DMD: variants seen among roughly 807,000 people sequenced by gnomAD.
DMD encodes dystrophin, also known as mutant dystrophin.
Under a neutral mutation model 330.1 loss-of-function variants are expected in DMD, and 63 were observed. That is an observed-to-expected ratio of 0.19 (90% CI 0.16 to 0.24). The LOEUF (loss-of-function observed/expected upper bound fraction) is 0.24, where lower values mean the gene tolerates loss of function less well. DMD is among the 10% of genes least tolerant of loss of function. The pLI, the probability that DMD is intolerant of heterozygous loss-of-function variation, is 1.00. For missense variants in DMD, 3,344 were observed against 2,684.1 expected (o/e 1.25, Z -5.43); for synonymous variants, 1,223 against 959.8 (o/e 1.27, Z -5.07).
intron 1 of DMD, among the ~76,000 whole-genome samples, chrX:33,153,455 CAA>C (rs1463688958): frequency 8.9e-6 from 1 of 112,515 alleles, no homozygotes; most frequent in Admixed American, 9.4e-5. Flanking sequence ...GTATTTCCCA[CAA>C]GAGACATTAA....
At position 31,574,816 on chromosome X, in the gene DMD, C is replaced by A. The variant is rs185210591; in HGVS notation, c.8217+52857G>T. Among the ~76,000 whole-genome samples, 23 of 111,768 alleles carry A rather than the reference C, an allele frequency of 2.1e-4. 2 individuals carry two copies. The highest frequency in any genetic ancestry group is 7.5e-4 in the African/African-American group (23 of 30,815). ...GACATAAAATTAACATCAATTCATT[C>A]TCAAGAGACAAAATAAAACTACGAT... is the stretch of plus-strand genomic sequence containing the variant. On this transcript the variant is annotated intron_variant, in intron 55 of 78. Transcript: ENST00000357033.
Position 31,261,417 on chromosome X carries a change from C to T in DMD, c.9225-401G>A, listed in dbSNP as rs73617064. The T allele has an allele frequency of 3.2e-3, 557 of 173,546 alleles. 6 individuals carry two copies. The highest frequency in any genetic ancestry group is 0.016 in the African/African-American group (532 of 32,875). The allele number at this position is 173,546 out of a possible 1,213,427, so 14.3% of individuals were successfully genotyped here. A position where few individuals can be genotyped will look rare whatever the true frequency, so the allele number is the denominator to read the frequency against. On this transcript the variant is annotated intron_variant, in intron 62 of 78. Coordinates refer to ENST00000357033, the MANE Select transcript of DMD (RefSeq NM_004006.3). The stretch of plus-strand genomic sequence containing the variant: ...TTATTCAACTCTGTCAAAGAGATAC[C>T]GGACATTAGTTCAATAAATATAAAT...
chrX:31,466,325 T>C (rs1021723973), intron 59 of DMD, among the ~76,000 whole-genome samples: 2 of 112,098 alleles, frequency 1.8e-5, no homozygotes, highest in African/African-American at 6.5e-5. Flanking sequence ...TATGTTTAAG[T>C]CTTGAGTTAA....
At chrX:32,071,073 A>G (rs2096293583) in intron 44 of DMD, among the ~76,000 whole-genome samples, 1 of 111,171 alleles carries the variant, frequency 9.0e-6, no homozygotes, top group Admixed American at 9.6e-5. Context: ...ATTGTCGGAC[A>G]TTTGGGTTGG....
At chrX:33,228,322 C>T (rs1035275374) in intron 1 of DMD, among the ~76,000 whole-genome samples, 2 of 100,025 alleles carry the variant, frequency 2.0e-5, no homozygotes, top group Non-Finnish European at 4.1e-5. Flanking sequence ...TAGGCATATG[C>T]TTTTTCCATC....
At chrX:32,462,876 C>CT (rs1205034963) in intron 25 of DMD, among the ~76,000 whole-genome samples, 4 of 110,907 alleles carry the variant, frequency 3.6e-5, no homozygotes, top group Admixed American at 9.7e-5. Context: ...GGGAGAATTG[C>CT]TTGAGCCCAG....
At chrX:32,111,199 G>A (rs1022781902) in intron 44 of DMD, among the ~76,000 whole-genome samples, 2 of 111,704 alleles carry the variant, frequency 1.8e-5, no homozygotes, top group African/African-American at 6.5e-5. Context: ...TATATACAGA[G>A]GGATGGAAAA....
At chrX:32,066,553 T>G (rs2096261591) in intron 44 of DMD, among the ~76,000 whole-genome samples, 1 of 111,553 alleles carries the variant, frequency 9.0e-6, no homozygotes, top group Admixed American at 9.6e-5. Flanking sequence ...ATACTGACAC[T>G]GCATGCCTAG....
At chrX:32,392,851 C>T (rs1280832766) in intron 30 of DMD, among the ~76,000 whole-genome samples, 1 of 112,558 alleles carries the variant, frequency 8.9e-6, no homozygotes, top group Non-Finnish European at 1.9e-5. Flanking sequence ...CATCGAAAGG[C>T]CATGGATAAG....
At chrX:31,254,337 AC>A (rs201996687) in intron 63 of DMD, among the ~76,000 whole-genome samples, 30,088 of 106,006 alleles carry the variant, frequency 0.28, 3,287 homozygotes, top group East Asian at 0.48. Flanking sequence ...TAATTAAGAG[AC>A]CCCCCCCCAA....
intron 50 of DMD, among the ~76,000 whole-genome samples, chrX:31,812,015 G>GT (rs779523070): frequency 1.7e-4 from 19 of 109,290 alleles, no homozygotes; most frequent in Middle Eastern, 9.6e-3. Context: ...GCAGATAAAT[G>GT]TAGGGTATTG....
chrX:33,137,846 A>G lies in DMD; in HGVS notation c.31+73436T>C, dbSNP rs144306015. On this transcript the variant is annotated intron_variant, in intron 1 of 78. Transcript: ENST00000357033. ...TGTCAGATAGGACTTTTATCAATGTAAGTAAATATAATTCCTATATATTAA... is the reference window on the plus strand; with the variant it reads ...TGTCAGATAGGACTTTTATCAATGTGAGTAAATATAATTCCTATATATTAA... Among the ~76,000 whole-genome samples the G allele has an allele frequency of 2.8e-3, 310 of 112,184 alleles. 1 individual carries two copies. Among genetic ancestry groups the G allele is most frequent in the African/African-American group, 9.5e-3 (294 of 30,964 alleles).
chrX:31,403,896 T>C (rs2061301508), intron 60 of DMD, among the ~76,000 whole-genome samples: 1 of 111,886 alleles, frequency 8.9e-6, no homozygotes, highest in Non-Finnish European at 1.9e-5. Context: ...CCAAACAGTT[T>C]AGGGAGTGGG....
rs228371 is a variant in DMD, at chrX:32,544,881, T to C, written c.2168+278A>G. Among the ~76,000 whole-genome samples, 15,400 of 110,000 alleles carry C rather than the reference T, an allele frequency of 0.14. 1,028 individuals carry two copies. The highest frequency in any genetic ancestry group is 0.29 in the East Asian group (1,013 of 3,471). On this transcript the variant is annotated intron_variant, in intron 17 of 78. Coordinates refer to ENST00000357033, the MANE Select transcript of DMD (RefSeq NM_004006.3). ...AAAAGAAAGAAAGAAACTTTTAGGATTAAAATGCTACCACAGTAGTTTATC... is the reference window on the plus strand; with the variant it reads ...AAAAGAAAGAAAGAAACTTTTAGGACTAAAATGCTACCACAGTAGTTTATC...
intron 2 of DMD, among the ~76,000 whole-genome samples, chrX:32,883,823 C>CCAAA (rs1169678184): frequency 6.6e-5 from 2 of 30,352 alleles, no homozygotes; most frequent in African/African-American, 2.9e-4. Context: ...GACTCTGTTT[C>CCAAA]AAAAAAAAAA....
intron 7 of DMD, among the ~76,000 whole-genome samples, chrX:32,715,873 C>T: frequency 9.0e-6 from 1 of 111,280 alleles, no homozygotes; most frequent in African/African-American, 3.3e-5. Flanking sequence ...GTGAAATAAG[C>T]AAGACACAGA....
At chrX:31,424,123 C>G (rs931747651) in intron 60 of DMD, among the ~76,000 whole-genome samples, 1 of 111,108 alleles carries the variant, frequency 9.0e-6, no homozygotes, top group African/African-American at 3.3e-5. Context: ...ATTTTCTGCT[C>G]TTTTCCCGGC....
At chrX:31,488,672 G>A (rs2069008134) in intron 57 of DMD, among the ~76,000 whole-genome samples, 1 of 111,439 alleles carries the variant, frequency 9.0e-6, no homozygotes, top group African/African-American at 3.3e-5. Context: ...ATATATCTTC[G>A]ATCAAATAAT....
intron 60 of DMD, among the ~76,000 whole-genome samples, chrX:31,430,108 C>T (rs1472380055): frequency 9.0e-6 from 1 of 110,838 alleles, no homozygotes; most frequent in African/African-American, 3.3e-5. Flanking sequence ...TGTCCAATTC[C>T]GAAGAGGGCA....
Sources: allele counts gnomAD v4.1 joint callset (sites outside exome capture counted in the v4.1 genomes callset), GRCh38; gene constraint gnomAD v4.1.1; transcripts MANE v1.5; gene names NCBI Gene and HGNC (gene_info 2026-07-23, HGNC 2026-07-21).